The following LDLRAD3 variants were observed in gnomAD, a reference collection of about 807,000 sequenced individuals.
LDLRAD3 encodes low density lipoprotein receptor class A domain containing 3, also known as low-density lipoprotein receptor class A domain-containing protein 3.
In LDLRAD3, 20 loss-of-function variants were observed where a neutral mutation model predicts 29.4. The ratio of observed to expected loss-of-function variants is 0.68; its 90% CI spans 0.48 to 0.99. The LOEUF is 0.99. Ranked by LOEUF, LDLRAD3 falls within the 50% of genes least tolerant of loss-of-function variation. The pLI is 0.00. For synonymous variants in LDLRAD3, 157 were observed against 192.7 expected (o/e 0.81, Z 1.53); for missense variants, 420 against 454.3 (o/e 0.92, Z 0.69).
intron 4 of LDLRAD3, among the ~76,000 whole-genome samples, chr11:36,107,318 A>G (rs1590272767): frequency 1.3e-5 from 2 of 151,726 alleles, no homozygotes; most frequent in African/African-American, 4.8e-5. Context: ...CTCCTGCCAC[A>G]GCCTCCCGAG....
At chr11:36,124,633 G>A (rs966579710) in intron 4 of LDLRAD3, among the ~76,000 whole-genome samples, 19 of 151,572 alleles carry the variant, frequency 1.3e-4, no homozygotes, top group South Asian at 4.2e-4. Context: ...TGGTCTTCAA[G>A]CACATCTTCT....
chr11:35,968,917 C>T (rs1394824842), intron 1 of LDLRAD3, among the ~76,000 whole-genome samples: 1 of 152,190 alleles, frequency 6.6e-6, no homozygotes, highest in African/African-American at 2.4e-5. Flanking sequence ...CGTGTGGCCT[C>T]ATCATTTGGT....
intron 1 of LDLRAD3, among the ~76,000 whole-genome samples, chr11:36,024,403 G>A (rs1416176501): frequency 6.6e-6 from 1 of 151,900 alleles, no homozygotes; most frequent in Non-Finnish European, 1.5e-5. Flanking sequence ...CTATCCCTCA[G>A]CAATGCTGCC....
intron 3 of LDLRAD3, among the ~76,000 whole-genome samples, chr11:36,095,316 C>A (rs1004637457): frequency 6.6e-6 from 1 of 152,222 alleles, no homozygotes; most frequent in Non-Finnish European, 1.5e-5. Flanking sequence ...TTTGCACCCC[C>A]ACTTGTAACT....
chr11:36,202,446 A>G (rs1281703244), intron 4 of LDLRAD3, among the ~76,000 whole-genome samples: 1 of 152,208 alleles, frequency 6.6e-6, no homozygotes, highest in Non-Finnish European at 1.5e-5. Context: ...TACAGGCCAG[A>G]GATGCTGACC....
chr11:36,173,819 A>G (rs1310349866), intron 4 of LDLRAD3, among the ~76,000 whole-genome samples: 1 of 152,212 alleles, frequency 6.6e-6, no homozygotes, highest in African/African-American at 2.4e-5. Context: ...TGCCATCCCC[A>G]TCAAGCTACC....
intron 1 of LDLRAD3, among the ~76,000 whole-genome samples, chr11:35,991,215 A>AT (rs1174346056): frequency 6.6e-6 from 1 of 152,116 alleles, no homozygotes; most frequent in Non-Finnish European, 1.5e-5. Context: ...AGGCATTTGG[A>AT]TTTTGTCTAA....
At chr11:36,015,130 C>T (rs943139515) in intron 1 of LDLRAD3, among the ~76,000 whole-genome samples, 3 of 152,200 alleles carry the variant, frequency 2.0e-5, no homozygotes, top group African/African-American at 7.2e-5. Context: ...GCTGTTAAGC[C>T]GAGCTTCAGT....
At chr11:35,948,815 T>C (rs1851093962) in intron 1 of LDLRAD3, among the ~76,000 whole-genome samples, 3 of 152,032 alleles carry the variant, frequency 2.0e-5, no homozygotes. Flanking sequence ...TAGTTCTTTG[T>C]TGTGGGGGTT....
chr11:36,165,553 A>G (rs1370541735), intron 4 of LDLRAD3, among the ~76,000 whole-genome samples: 1 of 152,156 alleles, frequency 6.6e-6, no homozygotes, highest in Non-Finnish European at 1.5e-5. Context: ...ATTTTAAAAA[A>G]TCATTCTTGC....
At chr11:36,211,601 A>C (rs75559350) in intron 4 of LDLRAD3, among the ~76,000 whole-genome samples, 1,769 of 152,276 alleles carry the variant, frequency 0.012, 33 homozygotes, top group African/African-American at 0.041. Flanking sequence ...GTTGGACATG[A>C]ATGGAAAAGG....
At position 36,096,240 on chromosome 11, in the gene LDLRAD3, G is replaced by A. The variant is rs142526040; in HGVS notation, c.320-2087G>A. ...CTTCAGTTCCTCAGCTTTAGATAGCGTTGTGAAGTTAACCAAGTCCTTGCA... is the reference window on the plus strand; with the variant it reads ...CTTCAGTTCCTCAGCTTTAGATAGCATTGTGAAGTTAACCAAGTCCTTGCA... On this transcript the variant is annotated intron_variant, in intron 3 of 5. Transcript: ENST00000315571. Among the ~76,000 whole-genome samples, 31 of 152,284 alleles carry A rather than the reference G, an allele frequency of 2.0e-4. No homozygotes were observed. The East Asian group carries it at 3.5e-3, about 17-fold the overall frequency.
intron 4 of LDLRAD3, among the ~76,000 whole-genome samples, chr11:36,126,629 G>C (rs1853842218): frequency 6.6e-6 from 1 of 152,140 alleles, no homozygotes; most frequent in Non-Finnish European, 1.5e-5. Context: ...AGCCTTGTTT[G>C]GGTTTTTCAG....
intron 4 of LDLRAD3, among the ~76,000 whole-genome samples, chr11:36,135,408 A>C (rs1853989449): frequency 6.6e-6 from 1 of 152,148 alleles, no homozygotes; most frequent in Non-Finnish European, 1.5e-5. Context: ...GGGTGGCAAC[A>C]ATTCTGACCT....
At chr11:35,952,881 A>G (rs1445283179) in intron 1 of LDLRAD3, among the ~76,000 whole-genome samples, 2 of 152,222 alleles carry the variant, frequency 1.3e-5, no homozygotes, top group Non-Finnish European at 2.9e-5. Flanking sequence ...CTAGAGATTG[A>G]TGTTCTTTAT....
chr11:36,177,565 G>T (rs145211425), intron 4 of LDLRAD3, among the ~76,000 whole-genome samples: 5 of 152,222 alleles, frequency 3.3e-5, no homozygotes, highest in Admixed American at 6.5e-5. Context: ...CTGAGAGCCA[G>T]ACTGCATGAT....
At chr11:36,071,636 G>A (rs1330580717) in intron 2 of LDLRAD3, among the ~76,000 whole-genome samples, 1 of 152,180 alleles carries the variant, frequency 6.6e-6, no homozygotes, top group East Asian at 1.9e-4. Context: ...TATTTTAAGG[G>A]TGCATTTAAG....
chr11:36,014,671 C>A (rs1851998222), intron 1 of LDLRAD3, among the ~76,000 whole-genome samples: 1 of 152,110 alleles, frequency 6.6e-6, no homozygotes, highest in Non-Finnish European at 1.5e-5. Flanking sequence ...GATGACAGGG[C>A]AGTGCCTTTT....
chr11:36,227,138 C>T lies in LDLRAD3; in HGVS notation c.508C>T (p.Pro170Ser). The T allele has an allele frequency of 6.2e-7, 1 of 1,612,972 alleles. No homozygotes were observed. Among genetic ancestry groups the T allele is most frequent in the Non-Finnish European group, 8.5e-7 (1 of 1,179,366 alleles). Residue 170 changes from proline to serine, a missense_variant, in exon 5 of 6, where the codon CCC (proline) becomes TCC (serine). Pro to Ser is a moderately conservative substitution (Grantham distance 74). Transcript: ENST00000315571. The part of the protein sequence containing the change: ...VTSENQLVYY[P>S]SITYAIIGSS... ...TTCAGAGAACCAACTTGTGTATTAC[C>T]CCAGCATCACCTATGCCATCATCGG...
Sources: gnomAD v4.1 joint callset for allele counts (sites outside exome capture counted in the v4.1 genomes callset) on GRCh38, gnomAD v4.1.1 for gene constraint, MANE v1.5 for transcripts, NCBI Gene and HGNC (gene_info 2026-07-23, HGNC 2026-07-21) for gene names.